Variants in INTS7 observed in about 807,000 individuals in gnomAD.
INTS7 encodes the protein chromosome 1 open reading frame 73.
INTS7 carries 46 observed loss-of-function variants against 109.2 expected under a neutral mutation model. The ratio of observed to expected loss-of-function variants is 0.42; its 90% CI spans 0.33 to 0.54. INTS7 has a LOEUF of 0.54. Among genes scored for constraint, INTS7 ranks in the 20% least tolerant of loss-of-function variants. The pLI is 0.07. For missense variants in INTS7, 929 were observed against 1,132.4 expected (o/e 0.82, Z 2.58); for synonymous variants, 412 against 402.9 (o/e 1.02, Z -0.27).
chr1:211,993,783 A>T (rs1338653206), intron 7 of INTS7, among the ~76,000 whole-genome samples: 1 of 152,080 alleles, frequency 6.6e-6, no homozygotes, highest in African/African-American at 2.4e-5. Context: ...CATCAAAAAA[A>T]TCTAAAGAAA....
chr1:212,023,774 G>A (rs550857217), intron 1 of INTS7, among the ~76,000 whole-genome samples: 5 of 152,184 alleles, frequency 3.3e-5, no homozygotes, highest in African/African-American at 9.6e-5. Flanking sequence ...TTTTGGTTTT[G>A]TTGCAATTGC....
At chr1:211,974,773 C>A (rs923188201) in intron 13 of INTS7, among the ~76,000 whole-genome samples, 1 of 152,074 alleles carries the variant, frequency 6.6e-6, no homozygotes, top group Non-Finnish European at 1.5e-5. Context: ...TCGATAATTT[C>A]TCTTTATCTA....
At chr1:211,950,058 G>C (rs1663016760) in intron 17 of INTS7, among the ~76,000 whole-genome samples, 1 of 152,136 alleles carries the variant, frequency 6.6e-6, no homozygotes, top group South Asian at 2.1e-4. Flanking sequence ...TCTACCTTGT[G>C]CAGAATTCTA....
At chr1:211,967,798 G>C (rs1663968105) in intron 15 of INTS7, 80 bp downstream of exon 15, 2 of 722,286 alleles carry the variant, frequency 2.8e-6, no homozygotes, top group South Asian at 3.5e-5. Context: ...GTATTTTGTA[G>C]GTAAGCATAT....
intron 1 of INTS7, chr1:212,025,690 GAA>G (rs78348028): frequency 2.8e-4 from 40 of 144,804 alleles, no homozygotes; most frequent in East Asian, 7.4e-4. Flanking sequence ...GCTGTACCAG[GAA>G]AAAAAAAAAA....
intron 16 of INTS7, among the ~76,000 whole-genome samples, chr1:211,956,285 T>C (rs1663357898): frequency 1.3e-5 from 2 of 152,230 alleles, no homozygotes; most frequent in South Asian, 2.1e-4. Context: ...TGTAGTTTTA[T>C]ATTAAGTCTT....
At chr1:211,968,803 G>A in intron 13 of INTS7, 96 bp from the exon 14 acceptor site, 2 of 840,496 alleles carry the variant, frequency 2.4e-6, no homozygotes, top group Non-Finnish European at 3.6e-6. Context: ...GTCAAGTGCA[G>A]TAGTTCTCTA....
intron 1 of INTS7, among the ~76,000 whole-genome samples, chr1:212,032,396 T>G (rs1396782791): frequency 2.0e-5 from 3 of 152,144 alleles, no homozygotes; most frequent in Non-Finnish European, 4.4e-5. Context: ...CTGAAAATCC[T>G]CCATGGTTTC....
At chr1:211,988,302 G>A (rs1313661982) in intron 7 of INTS7, among the ~76,000 whole-genome samples, 1 of 151,412 alleles carries the variant, frequency 6.6e-6, no homozygotes, top group Non-Finnish European at 1.5e-5. Flanking sequence ...CGTGCCTGTG[G>A]TCCCAGCTAC....
intron 7 of INTS7, among the ~76,000 whole-genome samples, chr1:212,005,860 T>G (rs1432280248): frequency 6.6e-6 from 1 of 152,174 alleles, no homozygotes; most frequent in Non-Finnish European, 1.5e-5. Flanking sequence ...GGGATATCTG[T>G]GACTATCAAA....
Position 211,941,935 on chromosome 1 carries a change from T to C in INTS7, c.2778A>G (p.Ile926Met). Residue 926 changes from isoleucine (I) to methionine (M), a missense_variant, in exon 20 of 20, where the codon ATA (isoleucine) becomes ATG (methionine). Around this residue, in one of 2 missense-constraint regions of INTS7, gnomAD observed 787 missense variants for 901.1 expected, o/e 0.87. Transcript: ENST00000366994. Reference sequence around the variant, plus strand: ...AAGGGTCTTCCAGGGATTTTACAAATATGGTAGTTCTGGGACCAGTCTTCC... The same window carrying C: ...AAGGGTCTTCCAGGGATTTTACAAACATGGTAGTTCTGGGACCAGTCTTCC... Reference protein sequence around the residue: ...IVWKTGPRTTIFVKSLEDPYS... With the variant: ...IVWKTGPRTTMFVKSLEDPYS... The C allele has an allele frequency of 4.3e-6, 7 of 1,614,234 alleles. No homozygotes were observed. The highest frequency in any genetic ancestry group is 5.9e-6 in the Non-Finnish European group (7 of 1,180,040).
At chr1:212,019,154 G>C (rs1666581346) in intron 3 of INTS7, among the ~76,000 whole-genome samples, 1 of 152,156 alleles carries the variant, frequency 6.6e-6, no homozygotes, top group Admixed American at 6.5e-5. Context: ...GGGAGGCTGA[G>C]GCAGGAGAAT....
chr1:211,962,397 A>G (rs919462671), intron 16 of INTS7, among the ~76,000 whole-genome samples: 4 of 152,142 alleles, frequency 2.6e-5, no homozygotes, highest in African/African-American at 7.2e-5. Flanking sequence ...GTGCTTAGAG[A>G]CCTTCAAAGA....
chr1:212,018,561 T>C (rs1336422858), intron 3 of INTS7, among the ~76,000 whole-genome samples: 1 of 149,418 alleles, frequency 6.7e-6, no homozygotes, highest in African/African-American at 2.5e-5. Flanking sequence ...AAAAGCCAAA[T>C]GGAAAAGCCT....
At chr1:211,986,649 A>G (rs758725884) in intron 8 of INTS7, among the ~76,000 whole-genome samples, 2 of 152,208 alleles carry the variant, frequency 1.3e-5, no homozygotes, top group Admixed American at 6.5e-5. Flanking sequence ...CCACTGCTAG[A>G]GTATATTCTG....
At chr1:211,993,633 C>T (rs1571884372) in intron 7 of INTS7, among the ~76,000 whole-genome samples, 1 of 143,078 alleles carries the variant, frequency 7.0e-6, no homozygotes, top group Non-Finnish European at 1.5e-5. Flanking sequence ...TGAGCTGAGA[C>T]GGCATCACTG....
At chr1:211,982,180 A>G (rs562015474) in intron 9 of INTS7, among the ~76,000 whole-genome samples, 2 of 152,314 alleles carry the variant, frequency 1.3e-5, no homozygotes, top group East Asian at 1.9e-4. Flanking sequence ...TTTTCCTTGC[A>G]TGTCCTCCTT....
chr1:211,952,605 T>C lies in INTS7; in HGVS notation c.2280A>G (p.Glu760=), dbSNP rs1663150737. 1.2e-6 allele frequency: 2 copies of C among 1,613,288 alleles called. No individual in the cohort carries two copies. Among genetic ancestry groups the C allele is most frequent in the Admixed American group, 1.7e-5 (1 of 59,980 alleles). Residue 760 remains glutamate, a synonymous_variant, in exon 17 of 20, where the codon GAA becomes GAG. Coordinates refer to ENST00000366994, the MANE Select transcript of INTS7 (RefSeq NM_015434.4). Reference sequence around the variant, plus strand: ...CAGGGGTATATTTCCGATTGAGTGATTCTACCTCCTCCAAGACATGATTAT... The same window carrying C: ...CAGGGGTATATTTCCGATTGAGTGACTCTACCTCCTCCAAGACATGATTAT... ...SVYNHVLEEV[E]SLNRKYTPVS...
intron 5 of INTS7, among the ~76,000 whole-genome samples, chr1:212,009,971 G>T (rs190550803): frequency 1.6e-4 from 24 of 152,268 alleles, no homozygotes; most frequent in Non-Finnish European, 2.6e-4. Flanking sequence ...TAATTTGAAG[G>T]ACAATTTAAA....
Sources: gnomAD v4.1 joint callset for allele counts (sites outside exome capture counted in the v4.1 genomes callset) on GRCh38, gnomAD v4.1.1 for gene constraint, gnomAD v4.1.1 regional missense constraint, MANE v1.5 for transcripts, NCBI Gene and HGNC (gene_info 2026-07-23, HGNC 2026-07-21) for gene names.